Variants in PCDH9 observed in about 807,000 individuals in gnomAD.
PCDH9 encodes the protein protocadherin-9.
Under a neutral mutation model 70.6 loss-of-function variants are expected in PCDH9, and 24 were observed. The ratio of observed to expected loss-of-function variants is 0.34; its 90% CI spans 0.25 to 0.48. PCDH9 has a LOEUF of 0.48. Among genes scored for constraint, PCDH9 ranks in the 20% least tolerant of loss-of-function variants. PCDH9 has a pLI of 0.99. For missense variants in PCDH9, 1,281 were observed against 1,503.6 expected, an observed-to-expected ratio of 0.85 and a Z score of 2.45; for synonymous variants, 562 against 558.5, an observed-to-expected ratio of 1.01 and a Z score of -0.09.
At chr13:67,151,851 T>C (rs1303641331) in intron 2 of PCDH9, among the ~76,000 whole-genome samples, 1 of 152,102 alleles carries the variant, frequency 6.6e-6, no homozygotes, top group Non-Finnish European at 1.5e-5. Flanking sequence ...CACCCAATTC[T>C]AGGCCACACT....
chr13:66,786,577 T>C (rs2080083341), intron 3 of PCDH9, among the ~76,000 whole-genome samples: 1 of 152,216 alleles, frequency 6.6e-6, no homozygotes, highest in Non-Finnish European at 1.5e-5. Context: ...AGTACAAATT[T>C]TCTTATCTTT....
intron 3 of PCDH9, among the ~76,000 whole-genome samples, chr13:66,672,570 C>T (rs1265609404): frequency 6.6e-6 from 1 of 152,176 alleles, no homozygotes; most frequent in Non-Finnish European, 1.5e-5. Context: ...CCTCCAGACC[C>T]CAGAATGGTA....
chr13:66,801,560 C>A (rs1277078518), intron 3 of PCDH9, among the ~76,000 whole-genome samples: 1 of 151,902 alleles, frequency 6.6e-6, no homozygotes, highest in African/African-American at 2.4e-5. Flanking sequence ...ATGCAAATTA[C>A]CAGAGTGTCA....
chr13:67,198,990 C>T (rs1355849017), intron 2 of PCDH9, among the ~76,000 whole-genome samples: 1 of 151,492 alleles, frequency 6.6e-6, no homozygotes, highest in Non-Finnish European at 1.5e-5. Context: ...AAATGTGATA[C>T]ATTATTCAAA....
At chr13:67,006,037 T>C (rs561903023) in intron 2 of PCDH9, among the ~76,000 whole-genome samples, 15 of 152,268 alleles carry the variant, frequency 9.9e-5, no homozygotes, top group South Asian at 4.1e-4. Context: ...CCATCCTGGC[T>C]AACACGGTGA....
chr13:66,480,346 G>T (rs181059641), intron 4 of PCDH9, among the ~76,000 whole-genome samples: 238 of 152,236 alleles, frequency 1.6e-3, no homozygotes, highest in Admixed American at 2.7e-3. Context: ...TTCTTGAGAT[G>T]GAATCTACTC....
chr13:66,554,954 G>A (rs1961662181), intron 4 of PCDH9, among the ~76,000 whole-genome samples: 1 of 152,140 alleles, frequency 6.6e-6, no homozygotes, highest in Admixed American at 6.5e-5. Context: ...CAGACCACCT[G>A]AGGTTGGGAG....
chr13:66,641,000 C>G (rs1396623281), intron 3 of PCDH9, among the ~76,000 whole-genome samples: 1 of 152,018 alleles, frequency 6.6e-6, no homozygotes, highest in Admixed American at 6.6e-5. Context: ...CTCAGCCTCC[C>G]GAGTAGTGGG....
chr13:66,559,799 CA>C (rs71205593), intron 4 of PCDH9, among the ~76,000 whole-genome samples: 65 of 10,260 alleles, frequency 6.3e-3, no homozygotes, highest in African/African-American at 0.015. Context: ...GACTCCATCT[CA>C]AAAAAAAAAA....
chr13:66,956,529 A>T lies in PCDH9; in HGVS notation c.3037-52924T>A, dbSNP rs547597389. 1.1e-4 allele frequency among the ~76,000 whole-genome samples: 17 copies of T among 152,258 alleles called. No homozygotes were observed. In the South Asian group the frequency reaches 3.5e-3, roughly 32 times the overall value. On this transcript the variant is annotated intron_variant, in intron 2 of 4. Transcript: ENST00000377865. ...CAATTTGGGAGGCTGAGGCGGGCTG[A>T]TCACCTGAGGTCAGGAGTTTGAGAC...
chr13:67,097,576 G>A (rs2086348130), intron 2 of PCDH9, among the ~76,000 whole-genome samples: 1 of 152,122 alleles, frequency 6.6e-6, no homozygotes, highest in African/African-American at 2.4e-5. Flanking sequence ...TATGATAGTA[G>A]TTGCACAAAA....
At position 66,696,783 on chromosome 13, in the gene PCDH9, C is replaced by CTT. The variant is rs34598874; in HGVS notation, c.3139-65374_3139-65373dup. On this transcript the variant is annotated intron_variant, in intron 3 of 4. Transcript: ENST00000377865. ...AAACCTTGCTGGTTGTTCAGGCAAA[C>CTT]TTTTTTTTTTTTTTTTTTTTTTGAG... 7.5e-4 allele frequency among the ~76,000 whole-genome samples: 94 copies of CTT among 126,074 alleles called. 1 individual carries two copies. In the Middle Eastern group the frequency reaches 0.026, roughly 35 times the overall value. The allele number at this position is 126,074 out of a possible 152,430, so 82.7% of individuals were successfully genotyped here. A position where few individuals can be genotyped will look rare whatever the true frequency, so the allele number is the denominator to read the frequency against.
At chr13:66,858,132 T>TTA (rs1262868109) in intron 3 of PCDH9, among the ~76,000 whole-genome samples, 1 of 152,156 alleles carries the variant, frequency 6.6e-6, no homozygotes, top group Non-Finnish European at 1.5e-5. Context: ...TTCCCAAAGC[T>TTA]TAAACATTGT....
chr13:67,008,546 A>G (rs1490125203), intron 2 of PCDH9, among the ~76,000 whole-genome samples: 1 of 152,074 alleles, frequency 6.6e-6, no homozygotes, highest in African/African-American at 2.4e-5. Context: ...TCCCTCAGTG[A>G]TAAATAAGAG....
chr13:66,869,052 CATA>C (rs1262731968), intron 3 of PCDH9, among the ~76,000 whole-genome samples: 1 of 152,132 alleles, frequency 6.6e-6, no homozygotes, highest in Non-Finnish European at 1.5e-5. Flanking sequence ...TATTAAACCA[CATA>C]ATATTTTCTT....
intron 2 of PCDH9, among the ~76,000 whole-genome samples, chr13:67,120,187 A>AAAAAATAAT (rs2086849679): frequency 7.0e-6 from 1 of 143,744 alleles, no homozygotes; most frequent in African/African-American, 2.5e-5. Flanking sequence ...CTCATGCATT[A>AAAAAATAAT]AATAATAATA....
chr13:66,444,194 C>T (rs1332608939), intron 4 of PCDH9, among the ~76,000 whole-genome samples: 1 of 152,138 alleles, frequency 6.6e-6, no homozygotes, highest in Non-Finnish European at 1.5e-5. Flanking sequence ...CCACAAGAAA[C>T]TTTAACAAAA....
intron 4 of PCDH9, among the ~76,000 whole-genome samples, chr13:66,316,788 T>A (rs1335708682): frequency 6.6e-6 from 1 of 152,144 alleles, no homozygotes; most frequent in Non-Finnish European, 1.5e-5. Context: ...AATGGCGTGA[T>A]CTTGGCTCAC....
intron 2 of PCDH9, among the ~76,000 whole-genome samples, chr13:66,997,161 C>G (rs1231750831): frequency 1.3e-5 from 2 of 152,084 alleles, no homozygotes; most frequent in Non-Finnish European, 2.9e-5. Flanking sequence ...ATTTGCATTG[C>G]TATAAACGAA....
Sources: allele counts gnomAD v4.1 joint callset (sites outside exome capture counted in the v4.1 genomes callset), GRCh38; gene constraint gnomAD v4.1.1; transcripts MANE v1.5; gene names NCBI Gene and HGNC (gene_info 2026-07-23, HGNC 2026-07-21).